MPPED2: variants seen among roughly 807,000 people sequenced by gnomAD.
MPPED2 encodes metallophosphoesterase MPPED2.
A neutral mutation model predicts 33.0 loss-of-function variants in MPPED2; 5 were observed. The observed-to-expected ratio is 0.15, with a 90% CI of 0.08 to 0.32. The LOEUF is 0.32. MPPED2 is among the 10% of genes least tolerant of loss of function. The pLI is 1.00. For synonymous variants in MPPED2, 136 were observed against 141.9 expected, an observed-to-expected ratio of 0.96 and a Z score of 0.29; for missense variants, 275 against 372.1, an observed-to-expected ratio of 0.74 and a Z score of 2.15.
intron 4 of MPPED2, among the ~76,000 whole-genome samples, chr11:30,427,398 A>T (rs1237045881): frequency 6.6e-6 from 1 of 152,226 alleles, no homozygotes; most frequent in Admixed American, 6.5e-5. Flanking sequence ...CTAGGGCATT[A>T]TCAAGGGGAT....
chr11:30,410,481 A>G lies in MPPED2; in HGVS notation c.*987T>C, dbSNP rs902706108. 3 of 985,728 alleles carry G rather than the reference A, an allele frequency of 3.0e-6. No homozygotes were observed. Among genetic ancestry groups the G allele is most frequent in the African/African-American group, 1.7e-5 (1 of 57,232 alleles). 61.1% of individuals were successfully genotyped at this position (985,728 alleles called of 1,614,324 possible). On this transcript the variant is annotated 3_prime_UTR_variant, in exon 7 of 7. Coordinates refer to ENST00000358117, the MANE Select transcript of MPPED2 (RefSeq NM_001584.3). ...AGAAGACAACTTGGGGTATTTAAATAGAAAGGACAACTAAGCCTTATTTTA... is the reference window on the plus strand; with the variant it reads ...AGAAGACAACTTGGGGTATTTAAATGGAAAGGACAACTAAGCCTTATTTTA...
intron 4 of MPPED2, among the ~76,000 whole-genome samples, chr11:30,465,265 A>G (rs774739241): frequency 2.0e-5 from 3 of 152,096 alleles, no homozygotes; most frequent in Non-Finnish European, 2.9e-5. Context: ...CCACAAGAAG[A>G]CCTTTAAACT....
chr11:30,493,016 A>G (rs1167813352), intron 4 of MPPED2, among the ~76,000 whole-genome samples: 2 of 152,270 alleles, frequency 1.3e-5, no homozygotes, highest in Admixed American at 6.5e-5. Context: ...GTACTTAATT[A>G]AGAGTTCAAA....
intron 6 of MPPED2, among the ~76,000 whole-genome samples, chr11:30,395,521 G>T (rs144124473): frequency 0.012 from 1,847 of 152,226 alleles, 17 homozygotes; most frequent in Non-Finnish European, 0.019. Flanking sequence ...TGGATGCTCT[G>T]CATGGATTCA....
chr11:30,542,333 G>A (rs117397568), intron 2 of MPPED2, among the ~76,000 whole-genome samples: 3,604 of 152,062 alleles, frequency 0.024, 74 homozygotes, highest in Admixed American at 0.053. Context: ...ATAAACACGA[G>A]CCAGGTTCGG....
At chr11:30,528,372 C>T (rs1490741359) in intron 3 of MPPED2, among the ~76,000 whole-genome samples, 1 of 152,160 alleles carries the variant, frequency 6.6e-6, no homozygotes, top group Non-Finnish European at 1.5e-5. Flanking sequence ...TCTCATGCCT[C>T]AGTCTTTTGA....
chr11:30,408,926 C>T (rs534535743), downstream of MPPED2, among the ~76,000 whole-genome samples: 1 of 152,272 alleles, frequency 6.6e-6, no homozygotes, highest in Admixed American at 6.5e-5. Context: ...AAGCTCTGGG[C>T]ATCTGGACAG....
chr11:30,438,200 C>A (rs186400847), intron 4 of MPPED2, among the ~76,000 whole-genome samples: 226 of 152,260 alleles, frequency 1.5e-3, no homozygotes, highest in Non-Finnish European at 2.7e-3. Context: ...TCAAGGAGTT[C>A]ATGATCCAGT....
chr11:30,495,709 G>A (rs1952220234), intron 3 of MPPED2, among the ~76,000 whole-genome samples, 188 bp from the exon 4 acceptor site: 3 of 152,298 alleles, frequency 2.0e-5, no homozygotes, highest in Middle Eastern at 3.4e-3. Context: ...ACGGGAAATA[G>A]GAAGCTGCTA....
chr11:30,581,142 T>C (rs1025555114), intron 1 of MPPED2, among the ~76,000 whole-genome samples: 1 of 152,134 alleles, frequency 6.6e-6, no homozygotes, highest in African/African-American at 2.4e-5. Flanking sequence ...TGTCATTTTT[T>C]TCAACACTCC....
At chr11:30,553,222 A>T (rs966069694) in intron 2 of MPPED2, among the ~76,000 whole-genome samples, 3 of 152,216 alleles carry the variant, frequency 2.0e-5, no homozygotes, top group African/African-American at 7.2e-5. Context: ...ACACTTTTTA[A>T]ATAACAGACC....
chr11:30,504,749 G>A, intron 3 of MPPED2: 7 of 1,284,724 alleles, frequency 5.4e-6, no homozygotes, highest in Non-Finnish European at 7.1e-6. Flanking sequence ...TGCTGATGGA[G>A]CCACACAGCA....
intron 4 of MPPED2, among the ~76,000 whole-genome samples, chr11:30,485,362 T>C (rs1951673528): frequency 2.0e-5 from 2 of 100,720 alleles, no homozygotes; most frequent in Non-Finnish European, 5.3e-5. Flanking sequence ...TTATTATTAC[T>C]TATATACACA....
intron 4 of MPPED2, among the ~76,000 whole-genome samples, chr11:30,453,848 T>A (rs1950167387): frequency 6.6e-6 from 1 of 152,186 alleles, no homozygotes; most frequent in South Asian, 2.1e-4. Flanking sequence ...TTTCTGAGGC[T>A]GGCTTTGCCC....
At chr11:30,474,456 A>C (rs1951090058) in intron 4 of MPPED2, among the ~76,000 whole-genome samples, 1 of 151,928 alleles carries the variant, frequency 6.6e-6, no homozygotes, top group African/African-American at 2.4e-5. Context: ...TTGAAAACTC[A>C]CTCCTATTCC....
intron 4 of MPPED2, among the ~76,000 whole-genome samples, chr11:30,420,755 G>T (rs886338757): frequency 6.6e-6 from 1 of 152,092 alleles, no homozygotes; most frequent in Non-Finnish European, 1.5e-5. Context: ...AGAGTTCAAA[G>T]AATCAGTCTT....
Position 30,585,349 on chromosome 11 carries a change from G to A in MPPED2, c.-122+693C>T, listed in dbSNP as rs541872806. On this transcript the variant is annotated intron_variant, in intron 1 of 6. Coordinates refer to ENST00000358117, the MANE Select transcript of MPPED2 (RefSeq NM_001584.3). ...AGAGTGAGGTTGGGGCGCGGGGACGGGGTGAGAAAGAGCCCCGAGCGAGAG... is the reference window on the plus strand; with the variant it reads ...AGAGTGAGGTTGGGGCGCGGGGACGAGGTGAGAAAGAGCCCCGAGCGAGAG... 5.3e-5 allele frequency among the ~76,000 whole-genome samples: 8 copies of A among 152,086 alleles called. No individual in the cohort carries two copies. In the South Asian group the frequency reaches 1.7e-3, roughly 32 times the overall value.
chr11:30,519,549 A>T (rs1464932214), intron 3 of MPPED2, among the ~76,000 whole-genome samples: 2 of 152,058 alleles, frequency 1.3e-5, no homozygotes, highest in Non-Finnish European at 2.9e-5. Flanking sequence ...ATCATAAAAA[A>T]TGATGTTAAG....
At chr11:30,441,167 A>G (rs1485341522) in intron 4 of MPPED2, 3 of 152,174 alleles carry the variant, frequency 2.0e-5, no homozygotes, top group African/African-American at 4.8e-5. Flanking sequence ...GGAAGGGACT[A>G]TAACTCCCCC....
Sources: allele counts gnomAD v4.1 joint callset (sites outside exome capture counted in the v4.1 genomes callset), GRCh38; gene constraint gnomAD v4.1.1; transcripts MANE v1.5; gene names NCBI Gene and HGNC (gene_info 2026-07-23, HGNC 2026-07-21).